Variants in RNFT2 observed in about 807,000 individuals in gnomAD.
The protein encoded by RNFT2 is ring finger protein, transmembrane 2.
Under a neutral mutation model 53.0 loss-of-function variants are expected in RNFT2, and 36 were observed. That is an observed-to-expected ratio of 0.68 (90% CI 0.52 to 0.90). The LOEUF is 0.90. Among genes scored for constraint, RNFT2 ranks in the 40% least tolerant of loss-of-function variants. The pLI, the probability that RNFT2 is intolerant of heterozygous loss-of-function variation, is 0.00. For missense variants in RNFT2, 514 were observed against 585.6 expected (o/e 0.88, Z 1.26); for synonymous variants, 260 against 253.2 (o/e 1.03, Z -0.26).
At chr12:116,814,185 C>G (rs56877048) in intron 7 of RNFT2, among the ~76,000 whole-genome samples, 1 of 152,190 alleles carries the variant, frequency 6.6e-6, no homozygotes, top group African/African-American at 2.4e-5. Context: ...TAGGCACTTT[C>G]CATTCATCCA....
intron 7 of RNFT2, 74 bp from the exon 8 acceptor site, chr12:116,833,718 G>A (rs994068010): frequency 6.5e-7 from 1 of 1,539,398 alleles, no homozygotes; most frequent in Non-Finnish European, 8.9e-7. Flanking sequence ...CACTGCCCGG[G>A]GCGGGGGGCC....
chr12:116,798,305 A>G (rs1296358731), intron 7 of RNFT2, among the ~76,000 whole-genome samples: 1 of 152,154 alleles, frequency 6.6e-6, no homozygotes, highest in Non-Finnish European at 1.5e-5. Flanking sequence ...CAAATAGAAT[A>G]GTAACATTCT....
rs1164985989 is a variant in RNFT2, at chr12:116,841,956, T to G, written c.1200+5674T>G. ...ATATAAATATATATATAAATATATA[T>G]ATAGAGAGAGAGAGAGAGAGAGAGA... On this transcript the variant is annotated intron_variant, in intron 10 of 10. Coordinates refer to ENST00000257575, the MANE Select transcript of RNFT2 (RefSeq NM_001382266.1). Among the ~76,000 whole-genome samples, 146 of 17,220 alleles carry G rather than the reference T, an allele frequency of 8.5e-3. 3 individuals carry two copies. Among genetic ancestry groups the G allele is most frequent in the East Asian group, 0.025 (12 of 488 alleles). 11.3% of individuals were successfully genotyped at this position (17,220 alleles called of 152,430 possible). A position where few individuals can be genotyped will look rare whatever the true frequency, so the allele number is the denominator to read the frequency against.
chr12:116,825,149 A>C (rs1241956173), intron 7 of RNFT2, among the ~76,000 whole-genome samples: 1 of 151,936 alleles, frequency 6.6e-6, no homozygotes, highest in Non-Finnish European at 1.5e-5. Context: ...CTCAGTTCTC[A>C]CCGTTGGCTG....
chr12:116,832,898 C>CTTTTTTTTTTTTT (rs71095601), intron 7 of RNFT2, among the ~76,000 whole-genome samples: 1 of 84,766 alleles, frequency 1.2e-5, no homozygotes, highest in African/African-American at 4.8e-5. Flanking sequence ...AAGTCGTGTT[C>CTTTTTTTTTTTTT]TTTTTTTTTT....
At chr12:116,820,476 G>A (rs1434041268) in intron 7 of RNFT2, among the ~76,000 whole-genome samples, 1 of 152,164 alleles carries the variant, frequency 6.6e-6, no homozygotes, top group Non-Finnish European at 1.5e-5. Flanking sequence ...TTACTGGATT[G>A]GCTGTGGTGG....
intron 7 of RNFT2, among the ~76,000 whole-genome samples, chr12:116,824,644 T>G (rs1229363516): frequency 1.3e-5 from 2 of 152,198 alleles, no homozygotes; most frequent in African/African-American, 2.4e-5. Flanking sequence ...CTCTGAAGTT[T>G]CTACATGATG....
chr12:116,762,223 A>T (rs527637431), intron 5 of RNFT2, among the ~76,000 whole-genome samples: 14 of 152,072 alleles, frequency 9.2e-5, no homozygotes, highest in African/African-American at 1.4e-4. Flanking sequence ...TACTAAAAAG[A>T]TACAAAATTA....
At chr12:116,835,535 G>A (rs1365556068) in intron 8 of RNFT2, among the ~76,000 whole-genome samples, 1 of 152,102 alleles carries the variant, frequency 6.6e-6, no homozygotes, top group East Asian at 1.9e-4. Flanking sequence ...CTTCCAGCAG[G>A]ACTGGCAAGG....
chr12:116,809,512 A>G (rs1042685153), intron 7 of RNFT2, among the ~76,000 whole-genome samples: 11 of 152,094 alleles, frequency 7.2e-5, no homozygotes, highest in African/African-American at 2.4e-4. Context: ...TTTGATATGC[A>G]ACCAGCCCCT....
At chr12:116,741,219 A>G in intron 3 of RNFT2, 125 bp downstream of exon 3, 2 of 728,258 alleles carry the variant, frequency 2.7e-6, no homozygotes, top group Admixed American at 4.6e-5. Context: ...TGATGGCCTC[A>G]TACTAAACAT....
chr12:116,765,681 A>G (rs1592945902), intron 5 of RNFT2, among the ~76,000 whole-genome samples: 2 of 152,174 alleles, frequency 1.3e-5, no homozygotes, highest in East Asian at 3.9e-4. Context: ...CTGCTGGGAA[A>G]CAGCAAACTG....
At chr12:116,781,815 G>A (rs1358248631) in intron 7 of RNFT2, among the ~76,000 whole-genome samples, 2 of 151,866 alleles carry the variant, frequency 1.3e-5, no homozygotes, top group South Asian at 2.1e-4. Flanking sequence ...GGTGGCTCAC[G>A]CCTGTAATCC....
intron 10 of RNFT2, among the ~76,000 whole-genome samples, chr12:116,843,235 G>A (rs1877442142): frequency 1.3e-5 from 2 of 150,818 alleles, no homozygotes; most frequent in South Asian, 2.1e-4. Context: ...GCTTGCACCT[G>A]TAATCCCAGC....
rs562927606 is a variant in RNFT2, at chr12:116,800,138, A to G, written c.882+20790A>G. On this transcript the variant is annotated intron_variant, in intron 7 of 10. Coordinates refer to ENST00000257575, the MANE Select transcript of RNFT2 (RefSeq NM_001382266.1). ...GCTTCACCAGAGGCCGAGCATATGC[A>G]GGTGCCATGCTCCCCCTACAGTCTG... Among the ~76,000 whole-genome samples, 8 of 152,304 alleles carry G rather than the reference A, an allele frequency of 5.3e-5. No homozygotes were observed. In the East Asian group the frequency reaches 9.7e-4, roughly 18 times the overall value.
In RNFT2 at chr12:116,851,158, C is replaced by G. The variant is rs1409447892; in HGVS notation, c.*1710C>G. On this transcript the variant is annotated 3_prime_UTR_variant, in exon 11 of 11. Coordinates refer to ENST00000257575, the MANE Select transcript of RNFT2 (RefSeq NM_001382266.1). ...GGTGCGGTAACTTTCCCAGGGTCACCCAGCCAGCATGGGCGGGCCAAGTTT... is the reference window on the plus strand; with the variant it reads ...GGTGCGGTAACTTTCCCAGGGTCACGCAGCCAGCATGGGCGGGCCAAGTTT... 1.3e-5 allele frequency: 2 copies of G among 152,054 alleles called. No homozygotes were observed. Among genetic ancestry groups the G allele is most frequent in the Non-Finnish European group, 2.9e-5 (2 of 68,154 alleles). The allele number at this position is 152,054 out of a possible 1,614,324, so 9.4% of individuals were successfully genotyped here. A position where few individuals can be genotyped will look rare whatever the true frequency, so the allele number is the denominator to read the frequency against.
At chr12:116,805,501 G>A (rs568169862) in intron 7 of RNFT2, among the ~76,000 whole-genome samples, 12 of 152,154 alleles carry the variant, frequency 7.9e-5, no homozygotes, top group Middle Eastern at 3.4e-3. Context: ...TTGACACAGC[G>A]TCTCTCTCTG....
At chr12:116,784,544 G>A (rs1299944516) in intron 7 of RNFT2, among the ~76,000 whole-genome samples, 1 of 152,138 alleles carries the variant, frequency 6.6e-6, no homozygotes, top group African/African-American at 2.4e-5. Flanking sequence ...ACCAGGCAAA[G>A]CAATGAGGCA....
intron 8 of RNFT2, 32 bp from the exon 9 acceptor site, chr12:116,835,928 A>G: frequency 6.2e-7 from 1 of 1,613,360 alleles, no homozygotes; most frequent in Non-Finnish European, 8.5e-7. Flanking sequence ...ATCCTTGGGT[A>G]CATTTCAGCC....
Sources: allele counts gnomAD v4.1 joint callset (sites outside exome capture counted in the v4.1 genomes callset), GRCh38; gene constraint gnomAD v4.1.1; transcripts MANE v1.5; gene names NCBI Gene and HGNC (gene_info 2026-07-23, HGNC 2026-07-21).